NRXN1: variants seen among roughly 807,000 people sequenced by gnomAD.
NRXN1 encodes the protein neurexin-1.
In NRXN1, 39 loss-of-function variants were observed where a neutral mutation model predicts 150.9. The ratio of observed to expected loss-of-function variants is 0.26; its 90% CI spans 0.20 to 0.34. NRXN1 has a LOEUF of 0.34. NRXN1 is among the 10% of genes least tolerant of loss of function. NRXN1 has a pLI of 1.00. For synonymous variants in NRXN1, 924 were observed against 757.0 expected (o/e 1.22, Z -3.62); for missense variants, 1,815 against 1,949.9 (o/e 0.93, Z 1.30).
At chr2:50,610,861 C>T (rs961061227) in intron 8 of NRXN1, among the ~76,000 whole-genome samples, 14 of 148,130 alleles carry the variant, frequency 9.5e-5, no homozygotes, top group South Asian at 2.2e-4. Context: ...TGCACGATTT[C>T]GGCTCACTGC....
rs190670607 is a variant in NRXN1, at chr2:50,205,735, T to G, written c.3546+31054A>C. ...CATGAATTGATGAATGGATAAATAA[T>G]TGCAGTATATTCATACAATGGAATA... On this transcript the variant is annotated intron_variant, in intron 18 of 22. Transcript: ENST00000401669. 1.3e-5 allele frequency among the ~76,000 whole-genome samples: 2 copies of G among 152,190 alleles called. 1 individual carries two copies. The highest frequency in any genetic ancestry group is 4.8e-5 in the African/African-American group (2 of 41,570).
At chr2:50,863,184 C>T (rs984456423) in intron 5 of NRXN1, among the ~76,000 whole-genome samples, 3 of 151,922 alleles carry the variant, frequency 2.0e-5, no homozygotes, top group African/African-American at 7.3e-5. Context: ...ATAATATTTT[C>T]CTTCTAAAGT....
At chr2:50,569,808 T>C (rs889736637) in intron 8 of NRXN1, among the ~76,000 whole-genome samples, 8 of 152,200 alleles carry the variant, frequency 5.3e-5, no homozygotes, top group African/African-American at 1.9e-4. Context: ...GGTATTCTTG[T>C]ATCAGACAGC....
At chr2:50,489,336 G>A (rs1377985930) in intron 15 of NRXN1, among the ~76,000 whole-genome samples, 1 of 152,086 alleles carries the variant, frequency 6.6e-6, no homozygotes, top group Non-Finnish European at 1.5e-5. Flanking sequence ...TCAATAGGTG[G>A]CACTCTCGCT....
chr2:50,618,671 C>T (rs1679440033), intron 8 of NRXN1, among the ~76,000 whole-genome samples: 1 of 151,738 alleles, frequency 6.6e-6, no homozygotes, highest in South Asian at 2.1e-4. Context: ...TTGTCTGAAA[C>T]ATGCAGATAA....
intron 17 of NRXN1, among the ~76,000 whole-genome samples, chr2:50,447,528 C>T (rs1303901790): frequency 7.2e-6 from 1 of 137,934 alleles, no homozygotes; most frequent in Non-Finnish European, 1.5e-5. Flanking sequence ...CAGAAAAGGT[C>T]GATCTGAAAT....
intron 17 of NRXN1, among the ~76,000 whole-genome samples, chr2:50,261,044 G>C (rs1019838422): frequency 4.6e-5 from 7 of 151,688 alleles, no homozygotes; most frequent in African/African-American, 1.4e-4. Flanking sequence ...GTTTTACTAA[G>C]TCTTTCCAAC....
intron 9 of NRXN1, among the ~76,000 whole-genome samples, chr2:50,545,183 G>A (rs1205715140): frequency 3.3e-5 from 5 of 152,050 alleles, no homozygotes; most frequent in Admixed American, 6.5e-5. Flanking sequence ...TTGCCTGAAC[G>A]TGTTCACCAA....
chr2:50,420,757 T>A (rs980273058), intron 17 of NRXN1, among the ~76,000 whole-genome samples: 5 of 152,098 alleles, frequency 3.3e-5, no homozygotes, highest in African/African-American at 4.8e-5. Flanking sequence ...AGAAAAGGAC[T>A]GGTAAGAATT....
At chr2:50,693,344 G>T (rs1020305990) in intron 5 of NRXN1, among the ~76,000 whole-genome samples, 3 of 152,148 alleles carry the variant, frequency 2.0e-5, no homozygotes, top group Admixed American at 2.0e-4. Flanking sequence ...GACTGGTGTG[G>T]TAAAGGCCAG....
intron 17 of NRXN1, among the ~76,000 whole-genome samples, chr2:50,439,464 A>G (rs1040730617): frequency 6.6e-6 from 1 of 152,196 alleles, no homozygotes; most frequent in Non-Finnish European, 1.5e-5. Context: ...GTTCTGACAG[A>G]CGCAGAGAGC....
At chr2:50,506,353 G>C in intron 13 of NRXN1, 142 bp downstream of exon 13, 1 of 659,174 alleles carries the variant, frequency 1.5e-6, no homozygotes, top group East Asian at 3.0e-5. Flanking sequence ...TAATAAAATA[G>C]TTACTAGAAA....
chr2:50,425,559 C>A (rs1278756875), intron 17 of NRXN1, among the ~76,000 whole-genome samples: 1 of 152,048 alleles, frequency 6.6e-6, no homozygotes, highest in Non-Finnish European at 1.5e-5. Flanking sequence ...TATTAAAGGC[C>A]AACATGAGCC....
At chr2:50,906,386 A>C (rs1171183558) in intron 5 of NRXN1, among the ~76,000 whole-genome samples, 1 of 152,120 alleles carries the variant, frequency 6.6e-6, no homozygotes, top group Non-Finnish European at 1.5e-5. Flanking sequence ...TCTTGACTCC[A>C]GTCGTGCCCA....
At position 50,927,794 on chromosome 2, in the gene NRXN1, A is replaced by C. The variant is rs191435544; in HGVS notation, c.773-1839T>G. ...TATGTCAATTGCTACAGCATTATTT[A>C]ATTTCTGTAAAGACGGGCAAATATG... On this transcript the variant is annotated intron_variant, in intron 2 of 22. Coordinates refer to ENST00000401669, the MANE Select transcript of NRXN1 (RefSeq NM_001330078.2). 2.1e-3 allele frequency among the ~76,000 whole-genome samples: 327 copies of C among 152,102 alleles called. 3 individuals carry two copies. Among genetic ancestry groups the C allele is most frequent in the African/African-American group, 7.4e-3 (306 of 41,538 alleles).
intron 10 of NRXN1, among the ~76,000 whole-genome samples, chr2:50,535,296 G>C (rs1466056966): frequency 6.6e-6 from 1 of 152,214 alleles, no homozygotes; most frequent in African/African-American, 2.4e-5. Flanking sequence ...CACTGGGGGA[G>C]AAAACCAGTT....
chr2:50,713,260 G>A (rs1695421830), intron 5 of NRXN1, among the ~76,000 whole-genome samples: 1 of 151,488 alleles, frequency 6.6e-6, no homozygotes, highest in Non-Finnish European at 1.5e-5. Context: ...GTTGCAGTGA[G>A]CCGAGATAGT....
At chr2:49,947,149 C>T (rs761477587) in intron 21 of NRXN1, among the ~76,000 whole-genome samples, 4 of 151,942 alleles carry the variant, frequency 2.6e-5, no homozygotes, top group Non-Finnish European at 5.9e-5. Context: ...CAACATCTAG[C>T]GGAAAGCTAC....
intron 5 of NRXN1, among the ~76,000 whole-genome samples, chr2:50,787,113 A>C (rs1448365455): frequency 6.6e-6 from 1 of 152,166 alleles, no homozygotes; most frequent in Non-Finnish European, 1.5e-5. Flanking sequence ...AAGAGATGTC[A>C]AAAGAAATAT....
Sources: gnomAD v4.1 joint callset for allele counts (sites outside exome capture counted in the v4.1 genomes callset) on GRCh38, gnomAD v4.1.1 for gene constraint, MANE v1.5 for transcripts, NCBI Gene and HGNC (gene_info 2026-07-23, HGNC 2026-07-21) for gene names.